Variants in AKR1D1 observed in about 807,000 individuals in gnomAD.
AKR1D1 encodes delta(4)-3-ketosteroid 5-beta-reductase.
A neutral mutation model predicts 42.6 loss-of-function variants in AKR1D1; 32 were observed. That is an observed-to-expected ratio of 0.75 (90% CI 0.57 to 1.01). The LOEUF (loss-of-function observed/expected upper bound fraction) is 1.01. AKR1D1 is among the 50% of genes least tolerant of loss of function. The pLI is 0.00. For synonymous variants in AKR1D1, 123 were observed against 135.5 expected, an observed-to-expected ratio of 0.91 and a Z score of 0.64; for missense variants, 364 against 402.2, an observed-to-expected ratio of 0.91 and a Z score of 0.81.
At chr7:138,086,839 A>T (rs1379306080) in intron 1 of AKR1D1, among the ~76,000 whole-genome samples, 2 of 152,234 alleles carry the variant, frequency 1.3e-5, no homozygotes, top group South Asian at 4.1e-4. Context: ...AATAGAATCA[A>T]CCCTCTCACA....
intron 1 of AKR1D1, among the ~76,000 whole-genome samples, chr7:138,082,898 C>T (rs1803087158): frequency 6.6e-6 from 1 of 152,138 alleles, no homozygotes; most frequent in South Asian, 2.1e-4. Context: ...TCTTTACCTG[C>T]TCATCTGTCA....
chr7:138,088,557 G>A, intron 1 of AKR1D1, 44 bp from the exon 2 acceptor site: 1 of 1,601,178 alleles, frequency 6.2e-7, no homozygotes, highest in South Asian at 1.1e-5. Context: ...TTAAAGGAAA[G>A]ACCATTTCTC....
At chr7:138,079,111 C>T (rs10264483) in intron 1 of AKR1D1, among the ~76,000 whole-genome samples, 4 of 152,276 alleles carry the variant, frequency 2.6e-5, no homozygotes, top group Non-Finnish European at 4.4e-5. Flanking sequence ...GGATTACAGG[C>T]GTGAGCCATG....
intron 1 of AKR1D1, among the ~76,000 whole-genome samples, chr7:138,077,696 C>A (rs1802970040): frequency 6.6e-6 from 1 of 152,134 alleles, no homozygotes. Context: ...AGAAATGCTA[C>A]TGAAATTTGA....
chr7:138,107,110 C>CT, intron 6 of AKR1D1: 1 of 564,864 alleles, frequency 1.8e-6, no homozygotes, highest in Non-Finnish European at 3.3e-6. Context: ...AGTTGTGTCT[C>CT]TATTTCTTCC....
intron 1 of AKR1D1, among the ~76,000 whole-genome samples, chr7:138,086,856 C>T (rs377569706): frequency 3.3e-5 from 5 of 152,346 alleles, no homozygotes; most frequent in South Asian, 2.1e-4. Flanking sequence ...CACACACACA[C>T]GCTCTAAAAG....
chr7:138,113,902 T>C, intron 8 of AKR1D1, 130 bp downstream of exon 8: 1 of 796,400 alleles, frequency 1.3e-6, no homozygotes, highest in East Asian at 2.6e-5. Context: ...CCGCATATTC[T>C]GAATGTTAAC....
rs533215300 is a variant in AKR1D1 at position 138,089,428 on chromosome 7, C to T, written c.261+660C>T. ...ATTTTGTTTAATAAAAGCAAACAAA[C>T]GTAAATTAAAAAAAAAAAAAAACAA... On this transcript the variant is annotated intron_variant, in intron 2 of 8. Transcript: ENST00000242375. Among the ~76,000 whole-genome samples the T allele has an allele frequency of 2.3e-3, 338 of 144,766 alleles. 2 individuals are homozygous for T. The highest frequency in any genetic ancestry group is 4.1e-3 in the Non-Finnish European group (271 of 66,480). 95.0% of individuals were successfully genotyped at this position (144,766 alleles called of 152,430 possible). A position where few individuals can be genotyped will look rare whatever the true frequency, so the allele number is the denominator to read the frequency against.
intron 2 of AKR1D1, among the ~76,000 whole-genome samples, chr7:138,089,363 G>A (rs28558091): frequency 0.14 from 20,673 of 148,112 alleles, 1,487 homozygotes; most frequent in South Asian, 0.19. Context: ...AAAAAAAAAA[G>A]CATTTGAGCA....
rs1252902294 is a variant in AKR1D1 at position 138,107,593 on chromosome 7, C to T, written c.855+13C>T. 12 of 1,612,802 alleles carry T rather than the reference C, an allele frequency of 7.4e-6. No homozygotes were observed. Among genetic ancestry groups the T allele is most frequent in the South Asian group, 6.6e-5 (6 of 91,024 alleles). On this transcript the variant is annotated intron_variant, in intron 7 of 8. Coordinates refer to ENST00000242375, the MANE Select transcript of AKR1D1 (RefSeq NM_005989.4). ...AGAAAATTTTCAGGTAAGAGAATTG[C>T]TTTTGGAGATGTGAAAAGATGGGTA...
intron 3 of AKR1D1, among the ~76,000 whole-genome samples, chr7:138,094,072 G>T (rs1165977291): frequency 6.6e-6 from 1 of 152,102 alleles, no homozygotes; most frequent in Admixed American, 6.6e-5. Context: ...TCTTATTTTT[G>T]ATGGGTTCAA....
At chr7:138,106,796 C>A in intron 6 of AKR1D1, 79 bp downstream of exon 6, 1 of 1,178,786 alleles carries the variant, frequency 8.5e-7, no homozygotes, top group Non-Finnish European at 1.3e-6. Context: ...ATTGGAATGC[C>A]TTTTGGTTTG....
intron 1 of AKR1D1, among the ~76,000 whole-genome samples, chr7:138,084,024 T>C (rs1264743597): frequency 4.6e-5 from 7 of 152,146 alleles, no homozygotes; most frequent in African/African-American, 1.7e-4. Flanking sequence ...GAGGCATTGC[T>C]ACCCAGTGAC....
In AKR1D1 at chr7:138,097,980, AT is replaced by A. The variant is rs753449534; in HGVS notation, c.456+42del. The stretch of plus-strand genomic sequence containing the variant: ...TGTGCTTCTTATTTTAAAAGACGAT[AT>A]TTTTAAAACTGTGATCTGATTATTC... On this transcript the variant is annotated intron_variant, in intron 4 of 8. Coordinates refer to ENST00000242375, the MANE Select transcript of AKR1D1 (RefSeq NM_005989.4). The A allele has an allele frequency of 1.2e-5, 18 of 1,454,454 alleles. No homozygotes were observed. The African/African-American group carries it at 2.4e-4, about 19-fold the overall frequency. The allele number at this position is 1,454,454 out of a possible 1,614,324, so 90.1% of individuals were successfully genotyped here.
intron 7 of AKR1D1, among the ~76,000 whole-genome samples, chr7:138,108,067 T>C (rs1006860219): frequency 6.6e-6 from 1 of 152,210 alleles, no homozygotes; most frequent in African/African-American, 2.4e-5. Flanking sequence ...AATTTGGAAT[T>C]CATAATAGTC....
At chr7:138,098,982 T>A (rs1266473122) in intron 4 of AKR1D1, among the ~76,000 whole-genome samples, 1 of 152,080 alleles carries the variant, frequency 6.6e-6, no homozygotes, top group Non-Finnish European at 1.5e-5. Flanking sequence ...AGGAAAAACA[T>A]AAGTTACCCA....
intron 1 of AKR1D1, among the ~76,000 whole-genome samples, chr7:138,081,373 T>C (rs1488299401): frequency 6.6e-6 from 1 of 152,084 alleles, no homozygotes; most frequent in African/African-American, 2.4e-5. Flanking sequence ...AGATCCACTC[T>C]CACACACACT....
chr7:138,080,907 A>G (rs564956917), intron 1 of AKR1D1, among the ~76,000 whole-genome samples: 27 of 152,318 alleles, frequency 1.8e-4, no homozygotes, highest in Admixed American at 1.2e-3. Flanking sequence ...GGTCTGAGCC[A>G]CCACACCTGG....
chr7:138,101,184 C>A (rs1794306806), intron 4 of AKR1D1, among the ~76,000 whole-genome samples: 1 of 21,842 alleles, frequency 4.6e-5, no homozygotes, highest in Non-Finnish European at 8.8e-5. Flanking sequence ...TCCCTCCCTC[C>A]CTCCCTCCCT....
Sources: allele counts gnomAD v4.1 joint callset (sites outside exome capture counted in the v4.1 genomes callset), GRCh38; gene constraint gnomAD v4.1.1; transcripts MANE v1.5; gene names NCBI Gene and HGNC (gene_info 2026-07-23, HGNC 2026-07-21).